Variants in PARD3 observed in about 807,000 individuals in gnomAD.
The protein encoded by PARD3 is par-3 family cell polarity regulator.
In PARD3, 75 loss-of-function variants were observed where a neutral mutation model predicts 155.4. The observed-to-expected ratio is 0.48, with a 90% confidence interval of 0.40 to 0.58. The LOEUF (loss-of-function observed/expected upper bound fraction) is 0.58. PARD3 is among the 20% of genes least tolerant of loss of function. The pLI is 0.00. For synonymous variants in PARD3, 576 were observed against 610.5 expected (o/e 0.94, Z 0.83); for missense variants, 1,642 against 1,721.7 (o/e 0.95, Z 0.82).
chr10:34,176,622 G>A (rs1024325905), intron 22 of PARD3, among the ~76,000 whole-genome samples: 5 of 152,130 alleles, frequency 3.3e-5, no homozygotes, highest in African/African-American at 4.8e-5. Flanking sequence ...CTCCACTCCC[G>A]GATCTCAGGC....
At chr10:34,617,839 C>T (rs113235360) in intron 2 of PARD3, among the ~76,000 whole-genome samples, 1 of 152,092 alleles carries the variant, frequency 6.6e-6, no homozygotes, top group African/African-American at 2.4e-5. Flanking sequence ...GGGGCTCAGC[C>T]TAGAGAGATC....
chr10:34,324,651 T>G (rs1448285156), intron 19 of PARD3, among the ~76,000 whole-genome samples: 1 of 151,998 alleles, frequency 6.6e-6, no homozygotes, highest in Non-Finnish European at 1.5e-5. Flanking sequence ...AGACTGCAAG[T>G]AAGGGGTGAG....
chr10:34,659,525 G>C (rs1350226929), intron 2 of PARD3, among the ~76,000 whole-genome samples: 1 of 152,012 alleles, frequency 6.6e-6, no homozygotes, highest in Non-Finnish European at 1.5e-5. Flanking sequence ...ATGGTTCATA[G>C]GATAATGCTA....
chr10:34,333,006 C>T (rs1835780560), intron 18 of PARD3, among the ~76,000 whole-genome samples: 1 of 152,038 alleles, frequency 6.6e-6, no homozygotes, highest in African/African-American at 2.4e-5. Flanking sequence ...CTTTATAGTT[C>T]CTAGAATTAG....
chr10:34,743,764 T>C (rs1298687024), intron 1 of PARD3, among the ~76,000 whole-genome samples: 1 of 152,162 alleles, frequency 6.6e-6, no homozygotes, highest in Non-Finnish European at 1.5e-5. Flanking sequence ...CTAAAATCAA[T>C]GCCAAGGTTG....
chr10:34,183,377 TAGAA>T (rs746076492), intron 22 of PARD3, among the ~76,000 whole-genome samples: 1 of 152,182 alleles, frequency 6.6e-6, no homozygotes, highest in Non-Finnish European at 1.5e-5. Flanking sequence ...TTTAGGCAGA[TAGAA>T]AGGGTAAAAG....
chr10:34,555,001 G>A (rs2084875373), intron 2 of PARD3, among the ~76,000 whole-genome samples: 1 of 152,304 alleles, frequency 6.6e-6, no homozygotes, highest in Admixed American at 6.5e-5. Context: ...GAACACAGAG[G>A]ATTTTAGGAC....
chr10:34,315,824 C>G (rs180882995), intron 20 of PARD3, among the ~76,000 whole-genome samples: 49 of 152,338 alleles, frequency 3.2e-4, no homozygotes, highest in African/African-American at 1.2e-3. Context: ...CTATGAAAAT[C>G]CCACAGTTCT....
At chr10:34,177,164 G>A (rs1450004465) in intron 22 of PARD3, among the ~76,000 whole-genome samples, 2 of 152,196 alleles carry the variant, frequency 1.3e-5, no homozygotes, top group South Asian at 2.1e-4. Context: ...ATACAGGTAC[G>A]CTGAAGGCAA....
chr10:34,718,974 A>T (rs1469419291), intron 1 of PARD3, among the ~76,000 whole-genome samples: 1 of 152,186 alleles, frequency 6.6e-6, no homozygotes, highest in Non-Finnish European at 1.5e-5. Context: ...AAATAAAAAT[A>T]AAAAATAAAT....
At chr10:34,712,073 G>A (rs1181940375) in intron 1 of PARD3, among the ~76,000 whole-genome samples, 2 of 152,084 alleles carry the variant, frequency 1.3e-5, no homozygotes, top group Admixed American at 6.6e-5. Flanking sequence ...CTTAAGCCCC[G>A]ATAAATATCT....
At chr10:34,237,596 G>A (rs1191515271) in intron 22 of PARD3, among the ~76,000 whole-genome samples, 1 of 152,106 alleles carries the variant, frequency 6.6e-6, no homozygotes, top group Non-Finnish European at 1.5e-5. Flanking sequence ...AAGGCAGGAA[G>A]TAAATCTTCC....
At chr10:34,121,076 A>C (rs1343973743) in intron 23 of PARD3, among the ~76,000 whole-genome samples, 1 of 151,948 alleles carries the variant, frequency 6.6e-6, no homozygotes, top group Non-Finnish European at 1.5e-5. Flanking sequence ...AAAAAAAAAA[A>C]AGGAAAAACG....
At chr10:34,371,351 A>G (rs1840589408) in intron 12 of PARD3, among the ~76,000 whole-genome samples, 1 of 151,706 alleles carries the variant, frequency 6.6e-6, no homozygotes, top group African/African-American at 2.4e-5. Context: ...AATATTCTCA[A>G]GGTTGTTTAC....
In PARD3 at chr10:34,479,413, G is replaced by A. The variant is rs140187268; in HGVS notation, c.404-9150C>T. 5.5e-3 allele frequency among the ~76,000 whole-genome samples: 830 copies of A among 152,012 alleles called. 5 individuals are homozygous for A. Among genetic ancestry groups the A allele is most frequent in the Non-Finnish European group, 7.4e-3 (504 of 67,972 alleles). ...CCTGACCTCATGATCCGCCCACCTCGGCCTCCCAAAGTCCTGGGATTACTT... is the reference window on the plus strand; with the variant it reads ...CCTGACCTCATGATCCGCCCACCTCAGCCTCCCAAAGTCCTGGGATTACTT... On this transcript the variant is annotated intron_variant, in intron 3 of 24. Transcript: ENST00000374788.
chr10:34,575,552 T>C (rs996919215), intron 2 of PARD3, among the ~76,000 whole-genome samples: 6 of 152,144 alleles, frequency 3.9e-5, no homozygotes, highest in African/African-American at 1.4e-4. Context: ...AACTCATATT[T>C]CATATCTCCT....
intron 4 of PARD3, 37 bp downstream of exon 4, chr10:34,470,048 G>A (rs745907507): frequency 3.9e-6 from 6 of 1,528,122 alleles, no homozygotes; most frequent in Non-Finnish European, 5.3e-6. Flanking sequence ...AAGTCAGGAG[G>A]GGCAAGAGAC....
intron 2 of PARD3, among the ~76,000 whole-genome samples, chr10:34,568,477 C>T (rs16935540): frequency 0.022 from 3,388 of 152,088 alleles, 126 homozygotes; most frequent in African/African-American, 0.078. Context: ...ACCAAAAAAC[C>T]GCTACAAATT....
chr10:34,371,549 G>C (rs1221344993), intron 12 of PARD3, among the ~76,000 whole-genome samples: 1 of 80,804 alleles, frequency 1.2e-5, no homozygotes, highest in Non-Finnish European at 2.8e-5. Context: ...AGGAATATTT[G>C]AAAAATAACA....
Sources: allele counts gnomAD v4.1 joint callset (sites outside exome capture counted in the v4.1 genomes callset), GRCh38; gene constraint gnomAD v4.1.1; transcripts MANE v1.5; gene names NCBI Gene and HGNC (gene_info 2026-07-23, HGNC 2026-07-21).